NCOR1: variants seen among roughly 807,000 people sequenced by gnomAD.
NCOR1 encodes nuclear receptor corepressor 1.
In NCOR1, 63 loss-of-function variants were observed where a neutral mutation model predicts 288.1. The ratio of observed to expected loss-of-function variants is 0.22; its 90% CI spans 0.18 to 0.27. NCOR1 has a LOEUF of 0.27. Ranked by LOEUF, NCOR1 falls within the 10% of genes least tolerant of loss-of-function variation. The pLI is 1.00. For synonymous variants in NCOR1, 1,007 were observed against 1,065.9 expected (o/e 0.94, Z 1.08); for missense variants, 2,397 against 3,019.2 (o/e 0.79, Z 4.83).
At position 16,127,293 on chromosome 17, in the gene NCOR1, G is replaced by GTATGTATGTATATATACATGTATA. The variant is rs1568195184; in HGVS notation, c.1510-1088_1510-1087insTATACATGTATATATACATACATA. 1.0e-3 allele frequency among the ~76,000 whole-genome samples: 63 copies of GTATGTATGTATATATACATGTATA among 61,466 alleles called. 20 individuals carry two copies. The South Asian group carries it at 0.021, about 20-fold the overall frequency. The allele number at this position is 61,466 out of a possible 152,430, so 40.3% of individuals were successfully genotyped here. On this transcript the variant is annotated intron_variant, in intron 14 of 45. Coordinates refer to ENST00000268712, the MANE Select transcript of NCOR1 (RefSeq NM_006311.4). ...TGTATGTATATATACGTGTATATAT[G>GTATGTATGTATATATACATGTATA]TATGTATGTATATATACATGTATGT...
rs1234665889 is a variant in NCOR1, at chr17:16,127,373, GTATA to G, written c.1510-1171_1510-1168del. Among the ~76,000 whole-genome samples the G allele has an allele frequency of 2.5e-4, 24 of 97,496 alleles. 2 individuals carry two copies. The highest frequency in any genetic ancestry group is 9.5e-4 in the African/African-American group (23 of 24,264). The allele number at this position is 97,496 out of a possible 152,430, so 64.0% of individuals were successfully genotyped here. A position where few individuals can be genotyped will look rare whatever the true frequency, so the allele number is the denominator to read the frequency against. ...TATATGTATGTATATATACATGTAT[GTATA>G]TATGTATGTATATATACATGTGTAT... is the stretch of plus-strand genomic sequence containing the variant. On this transcript the variant is annotated intron_variant, in intron 14 of 45. Coordinates refer to ENST00000268712, the MANE Select transcript of NCOR1 (RefSeq NM_006311.4).
intron 1 of NCOR1, among the ~76,000 whole-genome samples, chr17:16,196,159 A>G (rs2089747071): frequency 6.7e-6 from 1 of 149,332 alleles, no homozygotes; most frequent in Admixed American, 6.7e-5. Context: ...AACATATATA[A>G]TTTTATATAT....
rs775423617 is a variant in NCOR1 at position 16,126,159 on chromosome 17, CTCT to C, written c.1554_1556del (p.Glu519del). 9.0e-6 allele frequency: 14 copies of C among 1,550,686 alleles called. No individual in the cohort carries two copies. Among genetic ancestry groups the C allele is most frequent in the African/African-American group, 1.4e-5 (1 of 70,720 alleles). ...TTTTTTCTGTTTTTTCTGCTTTATCCTCTTCTTTTTCTTCTACTTTTTCTTCTT... is the reference window on the plus strand; with the variant it reads ...TTTTTTCTGTTTTTTCTGCTTTATCCTCTTTTTCTTCTACTTTTTCTTCTT... On this transcript the variant is annotated inframe_deletion, in exon 15 of 46. Coordinates refer to ENST00000268712, the MANE Select transcript of NCOR1 (RefSeq NM_006311.4).
intron 18 of NCOR1, among the ~76,000 whole-genome samples, chr17:16,116,752 G>A (rs1323910199): frequency 1.3e-5 from 2 of 152,098 alleles, no homozygotes; most frequent in East Asian, 1.9e-4. Context: ...TACATGACAC[G>A]AAGTATAAAA....
intron 19 of NCOR1, among the ~76,000 whole-genome samples, chr17:16,106,602 G>A (rs955778197): frequency 6.6e-6 from 1 of 151,858 alleles, no homozygotes; most frequent in African/African-American, 2.4e-5. Context: ...AGCTGCCTTC[G>A]TTCTTCAATT....
intron 37 of NCOR1, among the ~76,000 whole-genome samples, chr17:16,060,243 A>G (rs2060404251): frequency 6.6e-6 from 1 of 152,248 alleles, no homozygotes; most frequent in Non-Finnish European, 1.5e-5. Flanking sequence ...AGAGACATGG[A>G]CACTCAGAAA....
chr17:16,063,941 G>T, intron 35 of NCOR1, 127 bp downstream of exon 35: 1 of 1,249,838 alleles, frequency 8.0e-7, no homozygotes, highest in Non-Finnish European at 1.1e-6. Context: ...TTTTTCACTT[G>T]GGGCCTGTAA....
intron 18 of NCOR1, among the ~76,000 whole-genome samples, chr17:16,116,596 T>C (rs1209297310): frequency 6.6e-6 from 1 of 152,254 alleles, no homozygotes; most frequent in African/African-American, 2.4e-5. Flanking sequence ...AAACATAGTT[T>C]GTCTGTCATT....
intron 5 of NCOR1, among the ~76,000 whole-genome samples, chr17:16,162,015 C>A (rs1023170559): frequency 6.6e-6 from 1 of 151,606 alleles, no homozygotes; most frequent in Non-Finnish European, 1.5e-5. Context: ...AGAGACTCAG[C>A]GAAATCAAAC....
intron 14 of NCOR1, among the ~76,000 whole-genome samples, chr17:16,134,978 TG>T (rs978536268): frequency 6.6e-6 from 1 of 151,790 alleles, no homozygotes; most frequent in African/African-American, 2.4e-5. Context: ...ACTAACACGG[TG>T]AAACCCCGTC....
intron 5 of NCOR1, 50 bp downstream of exon 5, chr17:16,164,929 G>T: frequency 7.7e-7 from 1 of 1,303,734 alleles, no homozygotes; most frequent in Non-Finnish European, 1.0e-6. Flanking sequence ...AATATCTACT[G>T]TAGGGAGACA....
chr17:16,147,589 T>C (rs1000108325), intron 9 of NCOR1, among the ~76,000 whole-genome samples: 2 of 152,178 alleles, frequency 1.3e-5, no homozygotes, highest in South Asian at 2.1e-4. Context: ...GAAGGGTTCA[T>C]GAAAAACTGC....
rs1412743309 is a variant in NCOR1, at chr17:16,064,148, C to T, written c.5141G>A (p.Arg1714Lys). The change falls in exon 35 of 46, where the codon AGG becomes AAG. Residue 1714 changes from arginine to lysine, a missense_variant. Transcript: ENST00000268712. ...CTTCTCCCGCTCCCGTTCCCGTTCC[C>T]TCTCAGCACTTGCAGCAGCTGCAAG... ...THLAAAASAE[R>K]EREREREKER... is the part of the protein sequence containing the mutation. 1.9e-6 allele frequency: 3 copies of T among 1,614,158 alleles called. No homozygotes were observed. Among genetic ancestry groups the T allele is most frequent in the East Asian group, 4.5e-5 (2 of 44,886 alleles).
At chr17:16,052,449 A>G (rs990007206) in intron 40 of NCOR1, among the ~76,000 whole-genome samples, 1 of 152,198 alleles carries the variant, frequency 6.6e-6, no homozygotes, top group South Asian at 2.1e-4. Flanking sequence ...AAACACAAAC[A>G]ATCATAAGAA....
chr17:16,211,934 T>C (rs954243231), intron 1 of NCOR1, among the ~76,000 whole-genome samples: 5 of 151,694 alleles, frequency 3.3e-5, no homozygotes, highest in Non-Finnish European at 5.9e-5. Flanking sequence ...ACCATTTACA[T>C]GTATACATGT....
chr17:16,118,362 G>C (rs939774678), intron 17 of NCOR1, among the ~76,000 whole-genome samples: 8 of 152,068 alleles, frequency 5.3e-5, no homozygotes, highest in Non-Finnish European at 1.0e-4. Flanking sequence ...GGTACATCTA[G>C]ATCTCTGGAC....
At chr17:16,153,493 A>G (rs2079190238) in intron 6 of NCOR1, 98 bp from the exon 7 acceptor site, 3 of 722,826 alleles carry the variant, frequency 4.2e-6, no homozygotes, top group South Asian at 2.3e-5. Context: ...TAATCTATAG[A>G]TGAACTTATC....
intron 5 of NCOR1, among the ~76,000 whole-genome samples, chr17:16,161,230 GACACACACAC>G (rs67635232): frequency 0.42 from 60,331 of 143,106 alleles, 13,187 homozygotes; most frequent in Middle Eastern, 0.53. Context: ...AACACACACA[GACACACACAC>G]ACACACACAC....
At chr17:16,125,847 G>A (rs985216806) in intron 15 of NCOR1, among the ~76,000 whole-genome samples, 1 of 152,002 alleles carries the variant, frequency 6.6e-6, no homozygotes, top group Non-Finnish European at 1.5e-5. Context: ...GTGGACACAT[G>A]GATATAGAGA....
Sources: allele counts gnomAD v4.1 joint callset (sites outside exome capture counted in the v4.1 genomes callset), GRCh38; gene constraint gnomAD v4.1.1; transcripts MANE v1.5; gene names NCBI Gene and HGNC (gene_info 2026-07-23, HGNC 2026-07-21).